Variants in SUPT3H observed in about 807,000 individuals in gnomAD.
SUPT3H encodes transcription initiation protein SPT3 homolog.
In SUPT3H, 44 loss-of-function variants were observed where a neutral mutation model predicts 44.3. The observed-to-expected ratio is 0.99, with a 90% CI of 0.78 to 1.28. The LOEUF (loss-of-function observed/expected upper bound fraction) is 1.28, where lower values mean the gene tolerates loss of function less well. Among genes scored for constraint, SUPT3H ranks in the 50% most tolerant of loss-of-function variants. The probability of loss-of-function intolerance (pLI) is 0.00; values close to 1 mark genes in which losing one functional copy is unlikely to be tolerated. For synonymous variants in SUPT3H, 124 were observed against 125.6 expected (o/e 0.99, Z 0.09); for missense variants, 380 against 387.1 (o/e 0.98, Z 0.15).
At chr6:45,313,719 A>G (rs1784308693) in intron 2 of SUPT3H, among the ~76,000 whole-genome samples, 1 of 152,118 alleles carries the variant, frequency 6.6e-6, no homozygotes, top group Non-Finnish European at 1.5e-5. Context: ...ACATTCAAAG[A>G]AGAACTGGTA....
At chr6:45,030,955 C>A (rs7742360) in intron 3 of SUPT3H, among the ~76,000 whole-genome samples, 1 of 151,936 alleles carries the variant, frequency 6.6e-6, no homozygotes, top group African/African-American at 2.4e-5. Context: ...AAGAGTGTTC[C>A]AGAATCTTTA....
intron 2 of SUPT3H, chr6:45,321,855 T>G: frequency 6.3e-7 from 1 of 1,596,538 alleles, no homozygotes; most frequent in Non-Finnish European, 8.5e-7. Flanking sequence ...AAACTGATTT[T>G]CCAATTATTT....
At chr6:44,940,785 G>A (rs1266004552) in intron 9 of SUPT3H, among the ~76,000 whole-genome samples, 2 of 152,088 alleles carry the variant, frequency 1.3e-5, no homozygotes, top group African/African-American at 2.4e-5. Context: ...TTAGCCTCTT[G>A]CTGAACTGAT....
intron 2 of SUPT3H, among the ~76,000 whole-genome samples, chr6:45,279,031 C>T (rs1777497396): frequency 6.6e-6 from 1 of 152,068 alleles, no homozygotes; most frequent in African/African-American, 2.4e-5. Context: ...CCTAAAACTC[C>T]AGATCCCAAG....
At chr6:45,367,350 G>A (rs547943343) in intron 1 of SUPT3H, among the ~76,000 whole-genome samples, 60 of 152,050 alleles carry the variant, frequency 3.9e-4, no homozygotes, top group African/African-American at 1.3e-3. Context: ...AAAGACCATC[G>A]CTTTTTTTAA....
chr6:45,305,635 C>T, intron 2 of SUPT3H, among the ~76,000 whole-genome samples: 1 of 152,172 alleles, frequency 6.6e-6, no homozygotes, highest in South Asian at 2.1e-4. Flanking sequence ...CTATATACCA[C>T]ATTGCTATTA....
intron 2 of SUPT3H, among the ~76,000 whole-genome samples, chr6:45,267,829 T>C (rs1202008693): frequency 7.1e-6 from 1 of 141,678 alleles, no homozygotes; most frequent in Non-Finnish European, 1.6e-5. Flanking sequence ...ATGACCTAGG[T>C]TGCCCCCTAA....
At chr6:45,334,409 T>C (rs1176073180) in intron 2 of SUPT3H, among the ~76,000 whole-genome samples, 1 of 143,304 alleles carries the variant, frequency 7.0e-6, no homozygotes, top group African/African-American at 2.6e-5. Context: ...CTTATAGTCA[T>C]GTATCTTACA....
intron 2 of SUPT3H, among the ~76,000 whole-genome samples, chr6:45,182,141 T>C (rs952721479): frequency 6.6e-6 from 1 of 152,212 alleles, no homozygotes; most frequent in Non-Finnish European, 1.5e-5. Context: ...AAGGAGCTGA[T>C]GCCTGTAACA....
At chr6:44,942,510 G>A (rs577861104) in intron 9 of SUPT3H, among the ~76,000 whole-genome samples, 4 of 152,290 alleles carry the variant, frequency 2.6e-5, no homozygotes, top group South Asian at 2.1e-4. Flanking sequence ...CGCAATCACA[G>A]TAGGTGCGGA....
At chr6:44,939,898 A>G (rs916569991) in intron 9 of SUPT3H, among the ~76,000 whole-genome samples, 5 of 8,770 alleles carry the variant, frequency 5.7e-4, no homozygotes, top group African/African-American at 1.6e-3. Flanking sequence ...ATCAGTTGTA[A>G]TATCTCTTGT....
intron 2 of SUPT3H, among the ~76,000 whole-genome samples, chr6:45,165,748 A>C (rs755626535): frequency 1.7e-4 from 26 of 152,224 alleles, no homozygotes; most frequent in Non-Finnish European, 2.8e-4. Context: ...ACATAGCTAA[A>C]GGAAGAATCC....
At chr6:45,194,566 GATTT>G (rs1815694759) in intron 2 of SUPT3H, among the ~76,000 whole-genome samples, 1 of 152,054 alleles carries the variant, frequency 6.6e-6, no homozygotes, top group African/African-American at 2.4e-5. Flanking sequence ...AAGTAAAAAT[GATTT>G]ATTTTCTAAT....
At chr6:44,815,938 G>A (rs1766877828) in intron 11 of SUPT3H, among the ~76,000 whole-genome samples, 1 of 151,938 alleles carries the variant, frequency 6.6e-6, no homozygotes, top group Admixed American at 6.6e-5. Flanking sequence ...ACATCAAAGA[G>A]CACAATACAC....
chr6:45,234,584 CAT>C (rs1387750186), intron 2 of SUPT3H, among the ~76,000 whole-genome samples: 1 of 151,016 alleles, frequency 6.6e-6, no homozygotes, highest in Non-Finnish European at 1.5e-5. Flanking sequence ...TATATACACA[CAT>C]GACCTGAAGT....
intron 10 of SUPT3H, among the ~76,000 whole-genome samples, chr6:44,862,238 T>C (rs1017130880): frequency 6.6e-6 from 1 of 151,992 alleles, no homozygotes; most frequent in African/African-American, 2.4e-5. Flanking sequence ...CCTTCTCTGC[T>C]TGGCTTAACT....
intron 2 of SUPT3H, among the ~76,000 whole-genome samples, chr6:45,267,788 C>A (rs1413093110): frequency 1.3e-5 from 2 of 151,968 alleles, no homozygotes; most frequent in Admixed American, 1.3e-4. Context: ...TCTGGAGACA[C>A]CACCATCACC....
At chr6:45,013,639 A>C (rs1029654834) in intron 5 of SUPT3H, among the ~76,000 whole-genome samples, 1 of 152,000 alleles carries the variant, frequency 6.6e-6, no homozygotes, top group Non-Finnish European at 1.5e-5. Context: ...ACCATGTCTG[A>C]GGTAGAGCTT....
intron 2 of SUPT3H, among the ~76,000 whole-genome samples, chr6:45,162,057 G>T (rs1030924245): frequency 7.2e-5 from 11 of 151,874 alleles, no homozygotes; most frequent in African/African-American, 2.4e-4. Context: ...ACAAAAACAT[G>T]GAACTGACAA....
Sources: gnomAD v4.1 joint callset for allele counts (sites outside exome capture counted in the v4.1 genomes callset) on GRCh38, gnomAD v4.1.1 for gene constraint, MANE v1.5 for transcripts, NCBI Gene and HGNC (gene_info 2026-07-23, HGNC 2026-07-21) for gene names.